AP1S2: variants seen among roughly 807,000 people sequenced by gnomAD.
The protein encoded by AP1S2 is AP-1 complex subunit sigma-2.
AP1S2 carries 1 observed loss-of-function variant against 14.3 expected under a neutral mutation model. The ratio of observed to expected loss-of-function variants is 0.07; its 90% CI spans 0.02 to 0.33. AP1S2 has a LOEUF of 0.33. Among genes scored for constraint, AP1S2 ranks in the 10% least tolerant of loss-of-function variants. AP1S2 has a pLI of 0.99. For synonymous variants in AP1S2, 30 were observed against 40.5 expected (o/e 0.74, Z 0.99); for missense variants, 30 against 117.7 (o/e 0.25, Z 3.45).
chrX:15,836,512 A>G (rs1192940773), intron 4 of AP1S2, among the ~76,000 whole-genome samples: 1 of 112,312 alleles, frequency 8.9e-6, no homozygotes, highest in African/African-American at 3.2e-5. Flanking sequence ...TCTTATAAAT[A>G]ACACTCTAAA....
chrX:15,830,346 T>G (rs1933394337), intron 4 of AP1S2: 1 of 752,358 alleles, frequency 1.3e-6, no homozygotes, highest in Non-Finnish European at 1.6e-6. Flanking sequence ...CCCACCTGAT[T>G]GATAGCACAT....
chrX:15,846,313 T>G (rs2147319745), intron 2 of AP1S2, among the ~76,000 whole-genome samples: 1 of 112,173 alleles, frequency 8.9e-6, no homozygotes, highest in East Asian at 2.8e-4. Context: ...AGGTTTTTCC[T>G]AAGTTTACTT....
chrX:15,841,286 TA>T (rs1349572496), intron 4 of AP1S2, among the ~76,000 whole-genome samples: 2 of 109,609 alleles, frequency 1.8e-5, no homozygotes, highest in African/African-American at 3.3e-5. Context: ...TTTCACAAAT[TA>T]AAAAAAAATC....
In AP1S2 at chrX:15,828,978, G is replaced by T. The variant is rs779122926; in HGVS notation, c.427-778C>A. Among the ~76,000 whole-genome samples the T allele has an allele frequency of 1.4e-4, 16 of 111,353 alleles. No individual in the cohort carries two copies. The South Asian group carries it at 5.6e-3, about 39-fold the overall frequency. ...TATTAATTCCTGTTAATTTTGTGGG[G>T]CATGGTACTTTATCTGTTAGGGACA... On this transcript the variant is annotated intron_variant, in intron 4 of 5. Coordinates refer to ENST00000672987, the MANE Select transcript of AP1S2 (RefSeq NM_001272071.2).
intron 2 of AP1S2, among the ~76,000 whole-genome samples, chrX:15,847,514 G>A (rs983348825): frequency 9.0e-6 from 1 of 111,656 alleles, no homozygotes; most frequent in Non-Finnish European, 1.9e-5. Flanking sequence ...TAAAATGGTG[G>A]AGCTACTGCA....
chrX:15,840,656 A>G (rs1933800424), intron 4 of AP1S2: 1 of 652,664 alleles, frequency 1.5e-6, no homozygotes, highest in Non-Finnish European at 2.2e-6. Flanking sequence ...AAGCCATACT[A>G]TTATTTCCTT....
At chrX:15,840,811 T>C (rs1266710539) in intron 4 of AP1S2, among the ~76,000 whole-genome samples, 2 of 111,628 alleles carry the variant, frequency 1.8e-5, no homozygotes, top group African/African-American at 6.6e-5. Context: ...TTTCAGCATG[T>C]TGTACTTTAA....
chrX:15,845,018 GTTATC>G, intron 4 of AP1S2: 1 of 749,078 alleles, frequency 1.3e-6, no homozygotes. Flanking sequence ...GAAAAAGGGG[GTTATC>G]TTAAACAATT....
At chrX:15,843,384 T>C (rs1933900709) in intron 4 of AP1S2, among the ~76,000 whole-genome samples, 1 of 111,006 alleles carries the variant, frequency 9.0e-6, no homozygotes, top group Admixed American at 9.6e-5. Flanking sequence ...GGTGAAACCC[T>C]GTCTCTACTA....
At chrX:15,853,070 A>T (rs1322853363) in intron 1 of AP1S2, among the ~76,000 whole-genome samples, 1 of 112,529 alleles carries the variant, frequency 8.9e-6, no homozygotes, top group Admixed American at 9.4e-5. Flanking sequence ...CAAAATATTA[A>T]CTGAAAAATC....
At chrX:15,835,853 G>A (rs1291244503) in intron 4 of AP1S2, among the ~76,000 whole-genome samples, 2 of 110,638 alleles carry the variant, frequency 1.8e-5, no homozygotes, top group Non-Finnish European at 3.8e-5. Flanking sequence ...AAAAGAGCAG[G>A]GGGAGCTTCA....
chrX:15,849,669 G>A (rs1239007116), intron 2 of AP1S2, among the ~76,000 whole-genome samples: 2 of 112,053 alleles, frequency 1.8e-5, no homozygotes, highest in Admixed American at 9.4e-5. Flanking sequence ...TGAGTGACAT[G>A]TGCATGAACA....
chrX:15,843,541 G>A (rs1423255864), intron 4 of AP1S2, among the ~76,000 whole-genome samples: 1 of 111,656 alleles, frequency 9.0e-6, no homozygotes, highest in Non-Finnish European at 1.9e-5. Flanking sequence ...GGCAACAAGA[G>A]CGAAACTCCA....
chrX:15,845,006 A>C (rs1933957902), intron 4 of AP1S2: 1 of 747,783 alleles, frequency 1.3e-6, no homozygotes, highest in Non-Finnish European at 1.6e-6. Flanking sequence ...ATCTACACTA[A>C]TGAAAAAGGG....
At chrX:15,844,357 T>C (rs1188031866) in intron 4 of AP1S2, among the ~76,000 whole-genome samples, 1 of 112,244 alleles carries the variant, frequency 8.9e-6, no homozygotes, top group Non-Finnish European at 1.9e-5. Flanking sequence ...AACAAACTGA[T>C]AAACATGTAT....
At position 15,849,252 on chromosome X, in the gene AP1S2, C is replaced by T. The variant is rs1934093793; in HGVS notation, c.179+3094G>A. Among the ~76,000 whole-genome samples, 3 of 112,404 alleles carry T rather than the reference C, an allele frequency of 2.7e-5. No individual in the cohort carries two copies. The South Asian group carries it at 1.1e-3, about 41-fold the overall frequency. ...AGGGGGAATTTGTATGCCAAATACT[C>T]AGGATGAAGAATGTAGATGAGATAA... On this transcript the variant is annotated intron_variant, in intron 2 of 5. Coordinates refer to ENST00000672987, the MANE Select transcript of AP1S2 (RefSeq NM_001272071.2).
Position 15,845,525 on chromosome X carries a change from GAAAAAAA to G in AP1S2, c.289-16_289-10del. ...ATATCTAGTTCACAGACCTGAAAAG[GAAAAAAA>G]AAAGAAAAAAGAAAAGAAAAAATTG... is the stretch of plus-strand genomic sequence containing the variant. On this transcript the variant is annotated splice_polypyrimidine_tract_variant and intron_variant, in intron 3 of 5. Coordinates refer to ENST00000672987, the MANE Select transcript of AP1S2 (RefSeq NM_001272071.2). The G allele has an allele frequency of 9.2e-7, 1 of 1,087,814 alleles. No homozygotes were observed. The highest frequency in any genetic ancestry group is 1.2e-6 in the Non-Finnish European group (1 of 817,055). The allele number at this position is 1,087,814 out of a possible 1,213,427, so 89.6% of individuals were successfully genotyped here. A position where few individuals can be genotyped will look rare whatever the true frequency, so the allele number is the denominator to read the frequency against.
At chrX:15,844,441 G>C (rs1212293888) in intron 4 of AP1S2, among the ~76,000 whole-genome samples, 2 of 112,469 alleles carry the variant, frequency 1.8e-5, no homozygotes, top group African/African-American at 6.5e-5. Context: ...ATGAACCAGT[G>C]AGCCAAAAAT....
At chrX:15,845,106 T>A in intron 4 of AP1S2, 1 of 754,379 alleles carries the variant, frequency 1.3e-6, no homozygotes, top group South Asian at 6.7e-5. Flanking sequence ...AAATAGTCTG[T>A]CCTCTAAAGG....
Sources: gnomAD v4.1 joint callset for allele counts (sites outside exome capture counted in the v4.1 genomes callset) on GRCh38, gnomAD v4.1.1 for gene constraint, MANE v1.5 for transcripts, NCBI Gene and HGNC (gene_info 2026-07-23, HGNC 2026-07-21) for gene names.